INTS8: variants seen among roughly 807,000 people sequenced by gnomAD.
The protein encoded by INTS8 is protein kaonashi-1.
A neutral mutation model predicts 138.9 loss-of-function variants in INTS8; 47 were observed. The ratio of observed to expected loss-of-function variants is 0.34; its 90% confidence interval spans 0.27 to 0.43. The LOEUF (loss-of-function observed/expected upper bound fraction) is 0.43. Ranked by LOEUF, INTS8 falls within the 20% of genes least tolerant of loss-of-function variation. The pLI, the probability that INTS8 is intolerant of heterozygous loss-of-function variation, is 1.00. For missense variants in INTS8, 996 were observed against 1,173.0 expected, an observed-to-expected ratio of 0.85 and a Z score of 2.20; for synonymous variants, 392 against 400.9, an observed-to-expected ratio of 0.98 and a Z score of 0.27.
chr8:94,835,547 C>T (rs1019863318), intron 6 of INTS8, among the ~76,000 whole-genome samples: 2 of 152,026 alleles, frequency 1.3e-5, no homozygotes, highest in African/African-American at 4.8e-5. Context: ...CGTTTTTTCC[C>T]TCTCCTGTGT....
chr8:94,827,031 G>T (rs1019555635), intron 2 of INTS8, among the ~76,000 whole-genome samples: 3 of 152,294 alleles, frequency 2.0e-5, no homozygotes, highest in African/African-American at 7.2e-5. Context: ...CATGAACCCG[G>T]GAGGCGGAGC....
At chr8:94,852,057 C>T (rs995827162) in intron 13 of INTS8, among the ~76,000 whole-genome samples, 3 of 152,182 alleles carry the variant, frequency 2.0e-5, no homozygotes, top group East Asian at 3.9e-4. Flanking sequence ...ATTCTCCTGC[C>T]TCAGCCTCCC....
intron 10 of INTS8, 37 bp downstream of exon 10, chr8:94,842,525 T>C (rs867485282): frequency 6.4e-7 from 1 of 1,561,918 alleles, no homozygotes. Flanking sequence ...TGATTTATAA[T>C]TTGCTTTAAG....
At chr8:94,879,455 C>T (rs527753426) in intron 26 of INTS8, among the ~76,000 whole-genome samples, 221 of 151,798 alleles carry the variant, frequency 1.5e-3, no homozygotes, top group African/African-American at 5.1e-3. Flanking sequence ...ATTAGACGGA[C>T]GAGATGGCGG....
At chr8:94,871,783 C>T in intron 20 of INTS8, 101 bp from the exon 21 acceptor site, 6 of 718,938 alleles carry the variant, frequency 8.3e-6, no homozygotes, top group Non-Finnish European at 1.5e-5. Flanking sequence ...TATTTATGTT[C>T]ACCTAAATCT....
chr8:94,835,808 C>T (rs1272039425), intron 6 of INTS8, among the ~76,000 whole-genome samples: 3 of 152,170 alleles, frequency 2.0e-5, no homozygotes. Flanking sequence ...CTATGTTGGT[C>T]AGGCTGGTCT....
intron 5 of INTS8, among the ~76,000 whole-genome samples, chr8:94,831,267 C>T (rs534303729): frequency 3.3e-5 from 5 of 152,074 alleles, no homozygotes; most frequent in African/African-American, 1.2e-4. Context: ...GTGTATGCTA[C>T]CATGGCCAGC....
chr8:94,847,562 A>G (rs1307086853), intron 10 of INTS8, among the ~76,000 whole-genome samples: 1 of 152,166 alleles, frequency 6.6e-6, no homozygotes, highest in Non-Finnish European at 1.5e-5. Context: ...TCATAGAACT[A>G]TATTCTCGTT....
intron 26 of INTS8, among the ~76,000 whole-genome samples, chr8:94,877,848 TGA>T (rs1194661124): frequency 6.6e-6 from 1 of 152,186 alleles, no homozygotes; most frequent in African/African-American, 2.4e-5. Context: ...AGTGGGATAT[TGA>T]GTTTTGTGAC....
At chr8:94,827,514 T>C in intron 3 of INTS8, 111 bp downstream of exon 3, 3 of 1,315,102 alleles carry the variant, frequency 2.3e-6, no homozygotes, top group African/African-American at 1.5e-5. Flanking sequence ...ATTTTTCAAA[T>C]CTGGGGAACT....
At position 94,829,157 on chromosome 8, in the gene INTS8, C is replaced by T. The variant is rs373244816; in HGVS notation, c.570+131C>T. 327 of 649,060 alleles carry T rather than the reference C, an allele frequency of 5.0e-4. No individual in the cohort carries two copies. In the African/African-American group the frequency reaches 5.2e-3, roughly 10 times the overall value. 40.2% of individuals were successfully genotyped at this position (649,060 alleles called of 1,614,324 possible). On this transcript the variant is annotated intron_variant, in intron 5 of 26. Coordinates refer to ENST00000523731, the MANE Select transcript of INTS8 (RefSeq NM_017864.4). Reference sequence around the variant, plus strand: ...AGGAAACTGGATGTGGTGTGGGGGGCGGGGGGCGAGGATGATTTCAGGATG... The same window carrying T: ...AGGAAACTGGATGTGGTGTGGGGGGTGGGGGGCGAGGATGATTTCAGGATG...
At position 94,880,398 on chromosome 8, in the gene INTS8, T is replaced by TG; in HGVS notation, c.*164_*165insG. The TG allele has an allele frequency of 2.3e-6, 1 of 429,314 alleles. No individual in the cohort carries two copies. Among genetic ancestry groups the TG allele is most frequent in the South Asian group, 5.4e-5 (1 of 18,572 alleles). 26.6% of individuals were successfully genotyped at this position (429,314 alleles called of 1,614,324 possible). A position where few individuals can be genotyped will look rare whatever the true frequency, so the allele number is the denominator to read the frequency against. ...TTTAAAAACAAACTATACAGAAGAC[T>TG]TCATACCGTAACAATAAATGTATAG... is the stretch of plus-strand genomic sequence containing the variant. On this transcript the variant is annotated 3_prime_UTR_variant, in exon 27 of 27. Transcript: ENST00000523731.
At chr8:94,852,041 C>G (rs911521688) in intron 13 of INTS8, among the ~76,000 whole-genome samples, 2 of 152,142 alleles carry the variant, frequency 1.3e-5, no homozygotes, top group Admixed American at 6.5e-5. Context: ...CTCCCAGATT[C>G]AAGTGATTCT....
At chr8:94,853,959 A>C in intron 14 of INTS8, 44 bp downstream of exon 14, 1 of 1,207,738 alleles carries the variant, frequency 8.3e-7, no homozygotes, top group African/African-American at 1.5e-5. Context: ...AATATGCTTT[A>C]TGGTCAGGTG....
At chr8:94,840,388 G>A (rs1328807365) in intron 8 of INTS8, among the ~76,000 whole-genome samples, 3 of 151,982 alleles carry the variant, frequency 2.0e-5, no homozygotes, top group South Asian at 2.1e-4. Context: ...CCCTCCTCTC[G>A]TTAACACCCT....
chr8:94,878,320 C>T (rs1291905043), intron 26 of INTS8, among the ~76,000 whole-genome samples: 1 of 152,176 alleles, frequency 6.6e-6, no homozygotes, highest in African/African-American at 2.4e-5. Context: ...CTACCTTTTC[C>T]ATACTCAGTA....
chr8:94,854,038 C>G (rs1358080042), intron 14 of INTS8, 123 bp downstream of exon 14: 4 of 558,368 alleles, frequency 7.2e-6, no homozygotes, highest in African/African-American at 1.9e-5. Flanking sequence ...AGGTCAAGAC[C>G]AGCCTGGCCA....
At chr8:94,861,374 G>A (rs899311923) in intron 16 of INTS8, among the ~76,000 whole-genome samples, 24 of 138,814 alleles carry the variant, frequency 1.7e-4, no homozygotes, top group African/African-American at 4.9e-4. Flanking sequence ...CCATTCTCCT[G>A]CCTCAGCCTC....
At chr8:94,833,833 G>C (rs1387350637) in intron 6 of INTS8, among the ~76,000 whole-genome samples, 1 of 152,070 alleles carries the variant, frequency 6.6e-6, no homozygotes, top group Non-Finnish European at 1.5e-5. Flanking sequence ...GTGCAATGTC[G>C]TGATCTCAGC....
Sources: allele counts gnomAD v4.1 joint callset (sites outside exome capture counted in the v4.1 genomes callset), GRCh38; gene constraint gnomAD v4.1.1; transcripts MANE v1.5; gene names NCBI Gene and HGNC (gene_info 2026-07-23, HGNC 2026-07-21).